Variants in CSMD1 observed in about 807,000 individuals in gnomAD.
The protein encoded by CSMD1 is CUB and Sushi multiple domains 1.
In CSMD1, 213 loss-of-function variants were observed where a neutral mutation model predicts 417.5. That is an observed-to-expected ratio of 0.51 (90% CI 0.46 to 0.57). The LOEUF is 0.57. Among genes scored for constraint, CSMD1 ranks in the 20% least tolerant of loss-of-function variants. The pLI, the probability that CSMD1 is intolerant of heterozygous loss-of-function variation, is 0.00. For synonymous variants in CSMD1, 2,862 were observed against 1,736.8 expected (o/e 1.65, Z -16.11); for missense variants, 6,923 against 4,529.7 (o/e 1.53, Z -15.17).
chr8:4,580,277 C>G (rs994833874), intron 2 of CSMD1, among the ~76,000 whole-genome samples: 8 of 152,280 alleles, frequency 5.3e-5, no homozygotes, highest in Non-Finnish European at 1.0e-4. Context: ...CATCACCCAG[C>G]CAGGTGTCTC....
chr8:4,990,210 C>T (rs531102540), intron 1 of CSMD1, among the ~76,000 whole-genome samples: 2 of 152,174 alleles, frequency 1.3e-5, no homozygotes, highest in Non-Finnish European at 2.9e-5. Context: ...CCTTTTGCGA[C>T]TAACTACATG....
intron 1 of CSMD1, among the ~76,000 whole-genome samples, chr8:4,881,676 G>C (rs1332436998): frequency 6.6e-6 from 1 of 151,682 alleles, no homozygotes; most frequent in African/African-American, 2.4e-5. Flanking sequence ...GAGTCTTTAA[G>C]GTATTCTGCA....
intron 1 of CSMD1, among the ~76,000 whole-genome samples, chr8:4,875,634 T>C (rs925498652): frequency 1.3e-5 from 2 of 151,998 alleles, no homozygotes; most frequent in East Asian, 3.9e-4. Flanking sequence ...TAGGATATGA[T>C]TGGAAAAAGA....
chr8:4,493,952 T>G lies in CSMD1; in HGVS notation c.303-73887A>C, dbSNP rs113020519. Among the ~76,000 whole-genome samples the G allele has an allele frequency of 2.6e-3, 389 of 152,186 alleles. 2 individuals are homozygous for G. Among genetic ancestry groups the G allele is most frequent in the African/African-American group, 8.0e-3 (334 of 41,512 alleles). ...AATTTTTAAAAATTGGTTAAAAAGG[T>G]CAACTTGGTTCTACTGATTAACTTC... On this transcript the variant is annotated intron_variant, in intron 2 of 69. Transcript: ENST00000635120.
At chr8:4,706,999 T>C (rs547528909) in intron 1 of CSMD1, among the ~76,000 whole-genome samples, 2 of 152,274 alleles carry the variant, frequency 1.3e-5, no homozygotes, top group Non-Finnish European at 2.9e-5. Context: ...GAAGGACCTT[T>C]CTCTTGAAGT....
At chr8:3,079,330 G>T (rs1813917303) in intron 49 of CSMD1, among the ~76,000 whole-genome samples, 1 of 152,128 alleles carries the variant, frequency 6.6e-6, no homozygotes, top group Non-Finnish European at 1.5e-5. Context: ...TATAAAGAGA[G>T]ACACAAGCAT....
intron 5 of CSMD1, among the ~76,000 whole-genome samples, chr8:3,764,536 A>T (rs1798166761): frequency 6.6e-6 from 1 of 152,050 alleles, no homozygotes; most frequent in Admixed American, 6.6e-5. Context: ...AGACATCACC[A>T]GGTGGGGAGT....
intron 4 of CSMD1, among the ~76,000 whole-genome samples, chr8:4,003,199 C>T (rs930762215): frequency 2.6e-5 from 4 of 152,074 alleles, no homozygotes; most frequent in Admixed American, 2.6e-4. Context: ...CGAGACCATC[C>T]TGGCTAACAT....
At position 4,024,938 on chromosome 8, in the gene CSMD1, G is replaced by C. The variant is rs372820137; in HGVS notation, c.610+6967C>G. On this transcript the variant is annotated intron_variant, in intron 4 of 69. Transcript: ENST00000635120. ...ATGTAAAAAGGTGGTGTTCAGGTGAGGGAGCATGAATCTTTGTCTGAAGTA... is the reference window on the plus strand; with the variant it reads ...ATGTAAAAAGGTGGTGTTCAGGTGACGGAGCATGAATCTTTGTCTGAAGTA... 1.7e-3 allele frequency among the ~76,000 whole-genome samples: 252 copies of C among 152,316 alleles called. 1 individual carries two copies. Among genetic ancestry groups the C allele is most frequent in the Middle Eastern group, 0.01 (3 of 294 alleles).
At chr8:4,196,588 G>A (rs576811724) in intron 3 of CSMD1, among the ~76,000 whole-genome samples, 2 of 152,194 alleles carry the variant, frequency 1.3e-5, no homozygotes, top group African/African-American at 4.8e-5. Flanking sequence ...ACATTCTCTG[G>A]GGTCATAGCC....
chr8:4,455,286 G>T (rs62481022), intron 2 of CSMD1, among the ~76,000 whole-genome samples: 2 of 151,974 alleles, frequency 1.3e-5, no homozygotes, highest in Non-Finnish European at 2.9e-5. Flanking sequence ...AGAACTTCAT[G>T]ATGGATTCTT....
intron 1 of CSMD1, among the ~76,000 whole-genome samples, chr8:4,903,058 T>C (rs1182070506): frequency 6.6e-6 from 1 of 151,462 alleles, no homozygotes; most frequent in Non-Finnish European, 1.5e-5. Flanking sequence ...TAATAAACTT[T>C]GAATACTGTC....
At chr8:4,101,055 A>T (rs1801278712) in intron 3 of CSMD1, among the ~76,000 whole-genome samples, 1 of 152,184 alleles carries the variant, frequency 6.6e-6, no homozygotes, top group Non-Finnish European at 1.5e-5. Context: ...AAGGCAGATG[A>T]TGCCAGAGAC....
At chr8:4,956,212 G>C (rs750058392) in intron 1 of CSMD1, among the ~76,000 whole-genome samples, 1 of 150,732 alleles carries the variant, frequency 6.6e-6, no homozygotes, top group African/African-American at 2.4e-5. Flanking sequence ...TTCTTTTTAA[G>C]TTGTTCAACA....
At chr8:3,413,329 G>T (rs749475075) in intron 12 of CSMD1, among the ~76,000 whole-genome samples, 3 of 152,146 alleles carry the variant, frequency 2.0e-5, no homozygotes, top group East Asian at 1.9e-4. Flanking sequence ...GAAATTAAAT[G>T]AGGGTGAGGG....
intron 3 of CSMD1, among the ~76,000 whole-genome samples, chr8:4,315,615 T>G (rs1798876091): frequency 6.6e-6 from 1 of 152,182 alleles, no homozygotes; most frequent in Non-Finnish European, 1.5e-5. Context: ...TAAAGTAAAC[T>G]TGGTTTCCAA....
chr8:3,811,943 G>A (rs1245071933), intron 5 of CSMD1, among the ~76,000 whole-genome samples: 2 of 152,136 alleles, frequency 1.3e-5, no homozygotes, highest in African/African-American at 2.4e-5. Flanking sequence ...GTCCTGGAAA[G>A]GCTTTTGTTT....
At chr8:3,771,777 A>G (rs76567431) in intron 5 of CSMD1, among the ~76,000 whole-genome samples, 21,118 of 152,122 alleles carry the variant, frequency 0.14, 2,039 homozygotes, top group African/African-American at 0.26. Flanking sequence ...TGCTCTCTCC[A>G]TTGCAGGAAA....
At chr8:4,675,748 T>G (rs1439391371) in intron 1 of CSMD1, among the ~76,000 whole-genome samples, 3 of 152,220 alleles carry the variant, frequency 2.0e-5, no homozygotes. Context: ...CTCCCTTACA[T>G]TGCATTCTAC....
Sources: allele counts gnomAD v4.1 joint callset (sites outside exome capture counted in the v4.1 genomes callset), GRCh38; gene constraint gnomAD v4.1.1; transcripts MANE v1.5; gene names NCBI Gene and HGNC (gene_info 2026-07-23, HGNC 2026-07-21).